The following CCDC170 variants were observed in gnomAD, a reference collection of about 807,000 sequenced individuals.
The protein encoded by CCDC170 is coiled-coil domain containing 170.
CCDC170 carries 69 observed loss-of-function variants against 72.6 expected under a neutral mutation model. That is an observed-to-expected ratio of 0.95 (90% CI 0.78 to 1.16). The LOEUF (loss-of-function observed/expected upper bound fraction) is 1.16, where lower values mean the gene tolerates loss of function less well. Among genes scored for constraint, CCDC170 ranks in the 50% most tolerant of loss-of-function variants. The probability of loss-of-function intolerance (pLI) is 0.00; values close to 1 mark genes in which losing one functional copy is unlikely to be tolerated. For synonymous variants in CCDC170, 300 were observed against 303.9 expected (o/e 0.99, Z 0.13); for missense variants, 852 against 832.5 (o/e 1.02, Z -0.29).
Position 151,615,585 on chromosome 6 carries a change from A to G in CCDC170, c.1853A>G (p.Asn618Ser). 1 of 1,614,160 alleles carries G rather than the reference A, an allele frequency of 6.2e-7. No individual in the cohort carries two copies. Among genetic ancestry groups the G allele is most frequent in the Non-Finnish European group, 8.5e-7 (1 of 1,180,002 alleles). ...ACCACAGAACATGAGGCTAAGGAGA[A>G]TAAAGAAAGGGCCAGAAACATGATA... ...LDTTEHEAKE[N>S]KERARNMIEV... The change falls in exon 10 of 11, where the codon AAT (asparagine) becomes AGT (serine). Residue 618 changes from asparagine (N) to serine (S), a missense_variant. By Grantham distance (46) the Asn-to-Ser change is conservative. Coordinates refer to ENST00000239374, the MANE Select transcript of CCDC170 (RefSeq NM_025059.4).
In CCDC170 at chr6:151,538,082, TCTC is replaced by T. The variant is rs767743848; in HGVS notation, c.227_229del (p.Ser76del). On this transcript the variant is annotated inframe_deletion, in exon 3 of 11. Transcript: ENST00000239374. ...CGATCCAAGATGCTTTCTAAAGAAG[TCTC>T]CTGTCAAGAACTGAAAGCTGAAATG... The T allele has an allele frequency of 9.3e-6, 15 of 1,613,142 alleles. No homozygotes were observed. In the African/African-American group the frequency reaches 1.3e-4, roughly 14 times the overall value.
chr6:151,546,414 C>CTGGAG (rs1782772749), intron 4 of CCDC170, among the ~76,000 whole-genome samples: 1 of 152,184 alleles, frequency 6.6e-6, no homozygotes, highest in Non-Finnish European at 1.5e-5. Flanking sequence ...ACACAATCTC[C>CTGGAG]AGGTGCTAAT....
At chr6:151,607,386 C>T (rs1023527640) in intron 9 of CCDC170, among the ~76,000 whole-genome samples, 3 of 151,976 alleles carry the variant, frequency 2.0e-5, no homozygotes, top group Non-Finnish European at 4.4e-5. Context: ...TGTTTATCTT[C>T]GCAGTTTGCA....
chr6:151,503,663 G>C (rs1583000140), intron 1 of CCDC170, among the ~76,000 whole-genome samples: 1 of 152,008 alleles, frequency 6.6e-6, no homozygotes, highest in East Asian at 1.9e-4. Flanking sequence ...ATGTCGTCCA[G>C]GCTGGTCTTG....
At position 151,593,163 on chromosome 6, in the gene CCDC170, C is replaced by T. The variant is rs183956853; in HGVS notation, c.1350C>T (p.Ala450=). 5.0e-5 allele frequency: 80 copies of T among 1,614,140 alleles called. No homozygotes were observed. In the Middle Eastern group the frequency reaches 6.6e-4, roughly 13 times the overall value. The part of the protein sequence containing the change: ...SQKMKLDQMA[A]ELGFDMRLDV... ...AAATGAAGTTGGACCAGATGGCTGC[C>T]GAACTTGGCTTTGACATGCGGCTGG... The change falls in exon 8 of 11, where the codon GCC becomes GCT. Residue 450 remains alanine (A), a synonymous_variant. Coordinates refer to ENST00000239374, the MANE Select transcript of CCDC170 (RefSeq NM_025059.4).
At position 151,512,168 on chromosome 6, in the gene CCDC170, T is replaced by G. The variant is rs953219409; in HGVS notation, c.57+17983T>G. ...CAGTATACCGTTTTTTTTTGTTTTTTTTTTTTTTTGAGATGGAGTCTCGCT... is the reference window on the plus strand; with the variant it reads ...CAGTATACCGTTTTTTTTTGTTTTTGTTTTTTTTTGAGATGGAGTCTCGCT... On this transcript the variant is annotated intron_variant, in intron 1 of 10. Transcript: ENST00000239374. Among the ~76,000 whole-genome samples the G allele has an allele frequency of 1.9e-4, 28 of 149,996 alleles. 1 individual carries two copies. The highest frequency in any genetic ancestry group is 5.4e-4 in the African/African-American group (22 of 40,514).
At position 151,618,212 on chromosome 6, in the gene CCDC170, C is replaced by T; in HGVS notation, c.*65C>T. 7.3e-7 allele frequency: 1 copy of T among 1,373,858 alleles called. No individual in the cohort carries two copies. Among genetic ancestry groups the T allele is most frequent in the Non-Finnish European group, 1.0e-6 (1 of 976,100 alleles). The allele number at this position is 1,373,858 out of a possible 1,614,324, so 85.1% of individuals were successfully genotyped here. A position where few individuals can be genotyped will look rare whatever the true frequency, so the allele number is the denominator to read the frequency against. On this transcript the variant is annotated 3_prime_UTR_variant, in exon 11 of 11. Transcript: ENST00000239374. The stretch of plus-strand genomic sequence containing the variant: ...ACACAATTCCCAATTTCACAAATTC[C>T]TCATGTCTTTGAGATTTGATCAGTT...
intron 3 of CCDC170, among the ~76,000 whole-genome samples, chr6:151,543,377 A>ATATATT (rs1782721407): frequency 1.3e-5 from 2 of 152,170 alleles, no homozygotes; most frequent in African/African-American, 2.4e-5. Flanking sequence ...ATTTTGATAC[A>ATATATT]TGTATACAAT....
In CCDC170 at chr6:151,619,902, A is replaced by C. The variant is rs551064918; in HGVS notation, c.*1755A>C. 6.6e-6 allele frequency: 1 copy of C among 152,352 alleles called. No homozygotes were observed. Among genetic ancestry groups the C allele is most frequent in the Admixed American group, 6.5e-5 (1 of 15,306 alleles). 9.4% of individuals were successfully genotyped at this position (152,352 alleles called of 1,614,324 possible). A position where few individuals can be genotyped will look rare whatever the true frequency, so the allele number is the denominator to read the frequency against. ...TTCTAGACTAAAAGAAATTAAAGAGATGAAACAATCAATTGCAAGGGTCAA... is the reference window on the plus strand; with the variant it reads ...TTCTAGACTAAAAGAAATTAAAGAGCTGAAACAATCAATTGCAAGGGTCAA... On this transcript the variant is annotated 3_prime_UTR_variant, in exon 11 of 11. Coordinates refer to ENST00000239374, the MANE Select transcript of CCDC170 (RefSeq NM_025059.4).
intron 5 of CCDC170, among the ~76,000 whole-genome samples, chr6:151,548,971 G>T (rs1782829383): frequency 6.6e-6 from 1 of 151,916 alleles, no homozygotes. Flanking sequence ...TGCTATCTTG[G>T]CTTGCTGAAG....
At chr6:151,514,694 C>A (rs1373507461) in intron 1 of CCDC170, among the ~76,000 whole-genome samples, 2 of 152,124 alleles carry the variant, frequency 1.3e-5, no homozygotes, top group African/African-American at 4.8e-5. Flanking sequence ...CTTACCTTGT[C>A]TATCGTGGGC....
intron 1 of CCDC170, among the ~76,000 whole-genome samples, chr6:151,527,424 C>T (rs1040401329): frequency 3.9e-5 from 6 of 152,050 alleles, no homozygotes; most frequent in South Asian, 2.1e-4. Flanking sequence ...CCAGAAACCA[C>T]GAGCAGATAG....
intron 1 of CCDC170, among the ~76,000 whole-genome samples, chr6:151,523,202 A>G (rs989725202): frequency 2.6e-5 from 4 of 152,068 alleles, no homozygotes; most frequent in African/African-American, 9.7e-5. Context: ...GATTCTGTCT[A>G]ACAGAAGAAA....
chr6:151,596,857 G>A (rs1010937471), intron 9 of CCDC170, among the ~76,000 whole-genome samples: 18 of 152,044 alleles, frequency 1.2e-4, no homozygotes, highest in African/African-American at 2.2e-4. Context: ...GAGGAGTTTC[G>A]CTCTTGTTGC....
At chr6:151,611,223 C>T (rs1235201970) in intron 9 of CCDC170, among the ~76,000 whole-genome samples, 8 of 151,280 alleles carry the variant, frequency 5.3e-5, no homozygotes, top group Non-Finnish European at 1.0e-4. Flanking sequence ...TGCAGTGAGC[C>T]GAGATTGTGC....
intron 3 of CCDC170, among the ~76,000 whole-genome samples, chr6:151,542,841 T>C (rs1172276157): frequency 6.6e-6 from 1 of 152,206 alleles, no homozygotes; most frequent in East Asian, 1.9e-4. Context: ...ATCAGCACCA[T>C]ACAATTAATT....
chr6:151,514,449 G>A (rs946507038), intron 1 of CCDC170, among the ~76,000 whole-genome samples: 2 of 151,268 alleles, frequency 1.3e-5, no homozygotes, highest in African/African-American at 4.9e-5. Flanking sequence ...AAAAATGCCA[G>A]TTCCAACTCT....
At chr6:151,604,115 C>A (rs1047074846) in intron 9 of CCDC170, among the ~76,000 whole-genome samples, 1 of 152,124 alleles carries the variant, frequency 6.6e-6, no homozygotes, top group African/African-American at 2.4e-5. Context: ...AAGGAAACAC[C>A]AAAAGGGATT....
chr6:151,548,832 G>C (rs1782825174), intron 5 of CCDC170, among the ~76,000 whole-genome samples: 1 of 151,766 alleles, frequency 6.6e-6, no homozygotes, highest in Admixed American at 6.6e-5. Flanking sequence ...CAATTCTCCT[G>C]CCTCAGCCAC....
Sources: allele counts gnomAD v4.1 joint callset (sites outside exome capture counted in the v4.1 genomes callset), GRCh38; gene constraint gnomAD v4.1.1; transcripts MANE v1.5; gene names NCBI Gene and HGNC (gene_info 2026-07-23, HGNC 2026-07-21).